The following ABTB2 variants were observed in gnomAD, a reference collection of about 807,000 sequenced individuals.
ABTB2 encodes the protein ankyrin repeat and BTB/POZ domain-containing protein 2.
Under a neutral mutation model 104.1 loss-of-function variants are expected in ABTB2, and 56 were observed. The ratio of observed to expected loss-of-function variants is 0.54; its 90% CI spans 0.43 to 0.67. The LOEUF (loss-of-function observed/expected upper bound fraction) is 0.67, where lower values mean the gene tolerates loss of function less well. Among genes scored for constraint, ABTB2 ranks in the 30% least tolerant of loss-of-function variants. The pLI is 0.00. For missense variants in ABTB2, 1,279 were observed against 1,407.7 expected (o/e 0.91, Z 1.46); for synonymous variants, 606 against 608.2 (o/e 1.00, Z 0.05).
At chr11:34,338,689 G>A (rs750261600) in intron 1 of ABTB2, among the ~76,000 whole-genome samples, 7 of 152,190 alleles carry the variant, frequency 4.6e-5, no homozygotes, top group Non-Finnish European at 7.4e-5. Context: ...GATGACAGAG[G>A]GAGACTTCCT....
chr11:34,254,571 G>C (rs1246959142), intron 1 of ABTB2, among the ~76,000 whole-genome samples: 1 of 151,520 alleles, frequency 6.6e-6, no homozygotes, highest in East Asian at 1.9e-4. Flanking sequence ...ATTAAAACCT[G>C]TTTCCTTACA....
intron 1 of ABTB2, among the ~76,000 whole-genome samples, chr11:34,245,416 A>G (rs2133065636): frequency 6.6e-6 from 1 of 152,336 alleles, no homozygotes; most frequent in Admixed American, 6.5e-5. Flanking sequence ...CACTTCCGGC[A>G]TCTTTCTATG....
intron 1 of ABTB2, among the ~76,000 whole-genome samples, chr11:34,320,642 AAGGACTTACCCCAC>A (rs1437165584): frequency 6.6e-6 from 1 of 152,174 alleles, no homozygotes; most frequent in African/African-American, 2.4e-5. Flanking sequence ...AACCTTCACG[AAGGACTTACCCCAC>A]AGGCAGGCAT....
chr11:34,196,528 T>G (rs1210577233), intron 3 of ABTB2, among the ~76,000 whole-genome samples: 1 of 152,144 alleles, frequency 6.6e-6, no homozygotes, highest in Non-Finnish European at 1.5e-5. Flanking sequence ...CACTCCAGCC[T>G]GGGCAATAGA....
At chr11:34,309,180 T>C (rs892764361) in intron 1 of ABTB2, among the ~76,000 whole-genome samples, 2 of 152,218 alleles carry the variant, frequency 1.3e-5, no homozygotes, top group Admixed American at 6.5e-5. Flanking sequence ...ACGTGTGTTT[T>C]TTTGCCAAAG....
chr11:34,357,773 A>G lies in ABTB2; in HGVS notation c.-190T>C. ...GTGGCCGAGATCCGTGGCCAGCAGG[A>G]GCCCCACGCTCCCGGCGTCCCGACT... On this transcript the variant is annotated 5_prime_UTR_variant, in exon 1 of 17. Coordinates refer to ENST00000435224, the MANE Select transcript of ABTB2 (RefSeq NM_145804.3). The G allele has an allele frequency of 1.7e-6, 1 of 602,060 alleles. No homozygotes were observed. The highest frequency in any genetic ancestry group is 2.7e-6 in the Non-Finnish European group (1 of 370,316). 37.3% of individuals were successfully genotyped at this position (602,060 alleles called of 1,614,324 possible). A position where few individuals can be genotyped will look rare whatever the true frequency, so the allele number is the denominator to read the frequency against.
Position 34,154,311 on chromosome 11 carries a change from T to G in ABTB2, c.2834A>C (p.Gln945Pro), listed in dbSNP as rs373896760. Residue 945 changes from glutamine (Q) to proline (P), a missense_variant, in exon 16 of 17, where the codon CAG becomes CCG. Transcript: ENST00000435224. This position sits in a 1 kb window ranked among gnomAD's most constrained non-coding sequence, Gnocchi z 4.9. ...LQRHCEILCS[Q>P]TLSMESAVNT... ...CACGGCACTCTCCATGCTGAGGGTCTGGGAGCACAGGATCTCGCAGTGCCT... is the reference window on the plus strand; with the variant it reads ...CACGGCACTCTCCATGCTGAGGGTCGGGGAGCACAGGATCTCGCAGTGCCT... 2.5e-6 allele frequency: 4 copies of G among 1,614,138 alleles called. No individual in the cohort carries two copies. The highest frequency in any genetic ancestry group is 2.5e-6 in the Non-Finnish European group (3 of 1,180,006).
chr11:34,356,672 G>C lies in ABTB2; in HGVS notation c.883+29C>G. ...CAGGGCGGGATTTCTTGCCTACCCA[G>C]TCTGCCAGTCCGAGGCCCGCGCGCT... On this transcript the variant is annotated intron_variant, in intron 1 of 16. Transcript: ENST00000435224. The surrounding 1 kb of genome is among the most constrained non-coding windows in gnomAD (Gnocchi z 4.6). The C allele has an allele frequency of 1.3e-6, 2 of 1,536,172 alleles. No homozygotes were observed. Among genetic ancestry groups the C allele is most frequent in the Non-Finnish European group, 1.8e-6 (2 of 1,133,194 alleles).
chr11:34,226,975 T>C (rs1250440444), intron 1 of ABTB2, among the ~76,000 whole-genome samples: 2 of 152,056 alleles, frequency 1.3e-5, no homozygotes, highest in African/African-American at 4.8e-5. Flanking sequence ...GGCAGGAGAA[T>C]TGCTTGAACC....
At chr11:34,295,943 G>T (rs1200857590) in intron 1 of ABTB2, among the ~76,000 whole-genome samples, 1 of 152,126 alleles carries the variant, frequency 6.6e-6, no homozygotes, top group Admixed American at 6.5e-5. Context: ...GGTGATATAA[G>T]CATTCAGTCC....
At chr11:34,164,345 A>G (rs1852766383) in intron 9 of ABTB2, among the ~76,000 whole-genome samples, 1 of 148,400 alleles carries the variant, frequency 6.7e-6, no homozygotes, top group Non-Finnish European at 1.5e-5. Context: ...CCACTTGGGC[A>G]CTGGAGGACC....
At chr11:34,346,975 C>T (rs999705429) in intron 1 of ABTB2, among the ~76,000 whole-genome samples, 25 of 152,182 alleles carry the variant, frequency 1.6e-4, no homozygotes, top group Non-Finnish European at 3.2e-4. Context: ...AAAAGCTTGG[C>T]CTCAACTGTA....
chr11:34,241,684 G>A (rs2133063458), intron 1 of ABTB2, among the ~76,000 whole-genome samples: 1 of 152,272 alleles, frequency 6.6e-6, no homozygotes. Context: ...TTGAGCCCAG[G>A]AAATCAAGAC....
intron 1 of ABTB2, among the ~76,000 whole-genome samples, chr11:34,275,388 G>A (rs112154633): frequency 1.4e-4 from 22 of 152,144 alleles, no homozygotes; most frequent in African/African-American, 5.1e-4. Flanking sequence ...CCCTGCTGTA[G>A]AAGCCACACA....
intron 5 of ABTB2, among the ~76,000 whole-genome samples, chr11:34,168,756 C>G (rs2064410959): frequency 1.3e-5 from 2 of 152,236 alleles, no homozygotes; most frequent in African/African-American, 4.8e-5. Context: ...CTGAGCAGTT[C>G]AGAGCATTCC....
chr11:34,226,453 G>T (rs1853687912), intron 1 of ABTB2, among the ~76,000 whole-genome samples: 1 of 152,106 alleles, frequency 6.6e-6, no homozygotes, highest in Admixed American at 6.6e-5. Flanking sequence ...TACAGGCAGG[G>T]TCAGTACAAA....
intron 1 of ABTB2, among the ~76,000 whole-genome samples, chr11:34,288,321 C>T (rs1249386535): frequency 6.6e-6 from 1 of 152,148 alleles, no homozygotes; most frequent in East Asian, 1.9e-4. Flanking sequence ...TTCTATCCAT[C>T]CTTTTATCCA....
At chr11:34,305,671 G>GAATTTT (rs1854763569) in intron 1 of ABTB2, among the ~76,000 whole-genome samples, 1 of 152,182 alleles carries the variant, frequency 6.6e-6, no homozygotes, top group African/African-American at 2.4e-5. Context: ...CAAGGGAGTA[G>GAATTTT]AATTTTACTT....
intron 14 of ABTB2, among the ~76,000 whole-genome samples, chr11:34,156,482 G>C (rs189988286): frequency 1.2e-3 from 177 of 152,210 alleles, no homozygotes; most frequent in Non-Finnish European, 1.9e-4. Flanking sequence ...AACCATGTGG[G>C]AAGGGCAGGG....
Sources: gnomAD v4.1 joint callset for allele counts (sites outside exome capture counted in the v4.1 genomes callset) on GRCh38, gnomAD v4.1.1 for gene constraint, Gnocchi (gnomAD v3.1) non-coding constraint, MANE v1.5 for transcripts, NCBI Gene and HGNC (gene_info 2026-07-23, HGNC 2026-07-21) for gene names.